HIVEP3: variants seen among roughly 807,000 people sequenced by gnomAD.
HIVEP3 encodes HIVEP zinc finger 3, also known as transcription factor HIVEP3.
HIVEP3 carries 49 observed loss-of-function variants against 152.8 expected under a neutral mutation model. The observed-to-expected ratio is 0.32, with a 90% CI of 0.26 to 0.41. The LOEUF is 0.41. HIVEP3 is among the 10% of genes least tolerant of loss of function. The pLI, the probability that HIVEP3 is intolerant of heterozygous loss-of-function variation, is 1.00. For synonymous variants in HIVEP3, 1,269 were observed against 1,289.0 expected (o/e 0.98, Z 0.33); for missense variants, 2,790 against 3,103.3 (o/e 0.90, Z 2.40).
intron 1 of HIVEP3, among the ~76,000 whole-genome samples, chr1:41,822,261 G>A (rs1642628836): frequency 6.6e-6 from 1 of 152,170 alleles, no homozygotes; most frequent in Admixed American, 6.5e-5. Context: ...TTACATTGAA[G>A]TTGGGTTCTG....
At chr1:41,667,872 C>G (rs952012373) in intron 2 of HIVEP3, among the ~76,000 whole-genome samples, 5 of 152,148 alleles carry the variant, frequency 3.3e-5, no homozygotes, top group African/African-American at 9.7e-5. Flanking sequence ...AGAAGCCCCC[C>G]CCAAGCCCCC....
chr1:41,749,619 G>A (rs998742988), intron 1 of HIVEP3, among the ~76,000 whole-genome samples: 5 of 152,178 alleles, frequency 3.3e-5, no homozygotes, highest in Non-Finnish European at 7.3e-5. Flanking sequence ...TCTCTGGCGC[G>A]AAATCCTCCC....
chr1:41,940,605 T>C (rs1645040653), intron 1 of HIVEP3, among the ~76,000 whole-genome samples: 1 of 151,674 alleles, frequency 6.6e-6, no homozygotes, highest in Admixed American at 6.6e-5. Context: ...CTTAGGAGAG[T>C]GATCCCAAAC....
chr1:41,977,938 C>T (rs115754286), intron 1 of HIVEP3, among the ~76,000 whole-genome samples: 56 of 152,344 alleles, frequency 3.7e-4, no homozygotes, highest in Admixed American at 1.1e-3. Flanking sequence ...ACTGGGGAAT[C>T]ACCTCAAACA....
At chr1:41,924,201 C>G (rs1416818842) in intron 1 of HIVEP3, among the ~76,000 whole-genome samples, 1 of 152,090 alleles carries the variant, frequency 6.6e-6, no homozygotes, top group Non-Finnish European at 1.5e-5. Flanking sequence ...AGCCACAAGC[C>G]AAGGAATGCC....
intron 1 of HIVEP3, among the ~76,000 whole-genome samples, chr1:41,888,309 C>T (rs896595053): frequency 6.6e-6 from 1 of 150,968 alleles, no homozygotes; most frequent in African/African-American, 2.4e-5. Flanking sequence ...ACCTTGGCCT[C>T]CCAAAGTGCT....
intron 2 of HIVEP3, among the ~76,000 whole-genome samples, chr1:41,649,358 G>A (rs970424182): frequency 2.0e-5 from 3 of 152,182 alleles, no homozygotes; most frequent in African/African-American, 7.2e-5. Context: ...TGCGGGGCAG[G>A]GCCCAGGAAT....
chr1:41,921,074 G>C (rs115039548), upstream of HIVEP3, among the ~76,000 whole-genome samples: 620 of 152,320 alleles, frequency 4.1e-3, 7 homozygotes, highest in African/African-American at 0.014. Context: ...TGATGTGTCA[G>C]AACTCTCCAC....
chr1:41,751,000 C>T (rs1028585313), intron 1 of HIVEP3, among the ~76,000 whole-genome samples: 1 of 152,096 alleles, frequency 6.6e-6, no homozygotes, highest in South Asian at 2.1e-4. Flanking sequence ...AGGTGTGAGA[C>T]ACCGCACCGC....
intron 5 of HIVEP3, chr1:41,535,594 G>A (rs1013886373): frequency 1.3e-5 from 2 of 152,264 alleles, no homozygotes; most frequent in Admixed American, 1.3e-4. Context: ...CCCATGCCTG[G>A]GGTCAGGGCA....
At chr1:41,676,931 G>A (rs901987544) in intron 2 of HIVEP3, among the ~76,000 whole-genome samples, 1 of 152,244 alleles carries the variant, frequency 6.6e-6, no homozygotes, top group African/African-American at 2.4e-5. Flanking sequence ...GGATGGTGAA[G>A]GCTAGGGAGC....
rs74069980 is a variant in HIVEP3 at position 41,638,689 on chromosome 1, G to A, written c.-720-9742C>T. Among the ~76,000 whole-genome samples the A allele has an allele frequency of 1.4e-3, 219 of 152,352 alleles. 2 individuals carry two copies. Among genetic ancestry groups the A allele is most frequent in the Middle Eastern group, 6.8e-3 (2 of 294 alleles). On this transcript the variant is annotated intron_variant, in intron 2 of 8. Transcript: ENST00000372583. The stretch of plus-strand genomic sequence containing the variant: ...CCCACCCAGGGCAGGAAGGACCAGG[G>A]CCAGCTCCTCTGCTGGCCCCACCCA...
At chr1:41,785,228 A>AT (rs1649277833) in intron 1 of HIVEP3, among the ~76,000 whole-genome samples, 1 of 151,828 alleles carries the variant, frequency 6.6e-6, no homozygotes, top group South Asian at 2.1e-4. Context: ...CTTTTCTCTT[A>AT]TTTCCATACC....
At chr1:41,707,821 G>A (rs1276263854) in intron 1 of HIVEP3, among the ~76,000 whole-genome samples, 1 of 152,240 alleles carries the variant, frequency 6.6e-6, no homozygotes, top group East Asian at 1.9e-4. Context: ...TTTACTGCAT[G>A]CCAAGTGCTT....
At chr1:41,519,431 C>T (rs1174571069) in intron 6 of HIVEP3, among the ~76,000 whole-genome samples, 1 of 152,232 alleles carries the variant, frequency 6.6e-6, no homozygotes, top group African/African-American at 2.4e-5. Flanking sequence ...CTAGGAAGGA[C>T]AGGCAGAGCA....
intron 1 of HIVEP3, among the ~76,000 whole-genome samples, chr1:41,846,334 T>C (rs1643443395): frequency 6.6e-6 from 1 of 152,256 alleles, no homozygotes; most frequent in African/African-American, 2.4e-5. Flanking sequence ...CAAATTTCCC[T>C]ACATACATAA....
chr1:41,826,520 T>C (rs1570618098), intron 1 of HIVEP3, among the ~76,000 whole-genome samples: 1 of 152,168 alleles, frequency 6.6e-6, no homozygotes, highest in African/African-American at 2.4e-5. Flanking sequence ...TTCAAGTGAT[T>C]CTCCTCCCTC....
chr1:41,845,458 C>CAT (rs1643417658), intron 1 of HIVEP3, among the ~76,000 whole-genome samples: 1 of 140,464 alleles, frequency 7.1e-6, no homozygotes, highest in Admixed American at 7.1e-5. Context: ...CACACACACA[C>CAT]GCCTCTTTCT....
At chr1:41,562,972 G>A (rs1194506971) in intron 5 of HIVEP3, among the ~76,000 whole-genome samples, 1 of 152,046 alleles carries the variant, frequency 6.6e-6, no homozygotes, top group East Asian at 1.9e-4. Context: ...AAGCCTGGAG[G>A]TTTCTTCTCT....
Sources: allele counts gnomAD v4.1 joint callset (sites outside exome capture counted in the v4.1 genomes callset), GRCh38; gene constraint gnomAD v4.1.1; transcripts MANE v1.5; gene names NCBI Gene and HGNC (gene_info 2026-07-23, HGNC 2026-07-21).